Variants in NAV3 observed in about 807,000 individuals in gnomAD.
NAV3 encodes the protein pore membrane and/or filament interacting like protein 1.
NAV3 carries 87 observed loss-of-function variants against 244.7 expected under a neutral mutation model. The ratio of observed to expected loss-of-function variants is 0.36; its 90% CI spans 0.30 to 0.42. NAV3 has a LOEUF of 0.42. Among genes scored for constraint, NAV3 ranks in the 20% least tolerant of loss-of-function variants. NAV3 has a pLI of 1.00. For missense variants in NAV3, 2,663 were observed against 2,893.3 expected (o/e 0.92, Z 1.83); for synonymous variants, 1,126 against 1,042.2 (o/e 1.08, Z -1.55).
At chr12:77,928,872 G>C (rs1888496455) in intron 1 of NAV3, among the ~76,000 whole-genome samples, 1 of 152,124 alleles carries the variant, frequency 6.6e-6, no homozygotes, top group Non-Finnish European at 1.5e-5. Flanking sequence ...TTTCAGCTCT[G>C]ATAAAATCTG....
chr12:78,080,810 C>T (rs539199580), intron 12 of NAV3, among the ~76,000 whole-genome samples: 2 of 152,314 alleles, frequency 1.3e-5, no homozygotes, highest in South Asian at 4.2e-4. Flanking sequence ...CAGAATTAAT[C>T]ATGAAAATGA....
At chr12:77,621,025 G>C (rs1433038800) in intron 2 of NAV3, among the ~76,000 whole-genome samples, 1 of 152,178 alleles carries the variant, frequency 6.6e-6, no homozygotes, top group African/African-American at 2.4e-5. Flanking sequence ...GGGTGAAAAA[G>C]TAGCTCAAAT....
chr12:78,210,878 T>A lies in NAV3; in HGVS notation c.*361T>A. The A allele has an allele frequency of 4.5e-6, 1 of 224,486 alleles. No homozygotes were observed. The highest frequency in any genetic ancestry group is 8.8e-6 in the Non-Finnish European group (1 of 113,230). 13.9% of individuals were successfully genotyped at this position (224,486 alleles called of 1,614,324 possible). A position where few individuals can be genotyped will look rare whatever the true frequency, so the allele number is the denominator to read the frequency against. On this transcript the variant is annotated 3_prime_UTR_variant, in exon 40 of 40. Transcript: ENST00000397909. ...TACAATGCAGACCATTTTTTGTCCC[T>A]TCCTTTTGTTTCCTCTGAGGGGCTG...
At chr12:77,783,276 C>T (rs1870754556) in intron 2 of NAV3, 1 of 152,166 alleles carries the variant, frequency 6.6e-6, no homozygotes, top group East Asian at 1.9e-4. Flanking sequence ...CAGCAAGGAG[C>T]CTCCCAGATG....
intron 2 of NAV3, among the ~76,000 whole-genome samples, chr12:77,743,222 A>G (rs145860225): frequency 1.6e-4 from 25 of 152,066 alleles, no homozygotes; most frequent in Admixed American, 7.2e-4. Context: ...TAAGAATACA[A>G]TATATAATGC....
intron 2 of NAV3, among the ~76,000 whole-genome samples, chr12:77,646,991 T>C (rs1427138328): frequency 6.6e-6 from 1 of 151,796 alleles, no homozygotes. Flanking sequence ...AATGGCAGTT[T>C]CAAAAGGTTT....
chr12:78,206,679 G>C (rs1393517688), intron 39 of NAV3, among the ~76,000 whole-genome samples: 1 of 151,816 alleles, frequency 6.6e-6, no homozygotes, highest in African/African-American at 2.4e-5. Context: ...ATGAGAATTG[G>C]GGTAAAAAAA....
chr12:77,714,544 T>G (rs1353970172), intron 2 of NAV3, among the ~76,000 whole-genome samples: 1 of 152,178 alleles, frequency 6.6e-6, no homozygotes, highest in African/African-American at 2.4e-5. Context: ...CGCCAGTAAT[T>G]AATTCCTTTA....
At chr12:77,657,866 A>G (rs1472415479) in intron 2 of NAV3, among the ~76,000 whole-genome samples, 2 of 152,234 alleles carry the variant, frequency 1.3e-5, no homozygotes, top group African/African-American at 4.8e-5. Flanking sequence ...CCACATGATT[A>G]TCTCACTAGA....
intron 3 of NAV3, among the ~76,000 whole-genome samples, chr12:77,943,496 A>T (rs1030777147): frequency 1.3e-5 from 2 of 152,206 alleles, no homozygotes; most frequent in African/African-American, 2.4e-5. Context: ...AATAAATGTA[A>T]CTTTTTTGGC....
intron 8 of NAV3, among the ~76,000 whole-genome samples, chr12:78,010,590 C>T (rs370911057): frequency 6.6e-6 from 1 of 152,034 alleles, no homozygotes; most frequent in Non-Finnish European, 1.5e-5. Flanking sequence ...CTTTGCTTAT[C>T]AGTTCTATCT....
At chr12:77,621,206 A>G (rs547837720) in intron 2 of NAV3, among the ~76,000 whole-genome samples, 1 of 152,164 alleles carries the variant, frequency 6.6e-6, no homozygotes, top group East Asian at 1.9e-4. Context: ...TATTTTCTAG[A>G]TCAAGCACTG....
rs145485566 is a variant in NAV3, at chr12:77,583,357, T to C, written c.72+11091T>C. ...CTCCATCTTTTAACAGTTGCTGGTA[T>C]TGGCAAATTATAATGTTTGTAAATG... On this transcript the variant is annotated intron_variant, in intron 2 of 8. Coordinates refer to the NAV3 transcript ENST00000550042. 3.3e-3 allele frequency among the ~76,000 whole-genome samples: 504 copies of C among 152,352 alleles called. 4 individuals carry two copies. The highest frequency in any genetic ancestry group is 0.012 in the African/African-American group (489 of 41,568).
chr12:78,175,553 A>G (rs1958184787), intron 25 of NAV3, 126 bp downstream of exon 25: 1 of 1,191,206 alleles, frequency 8.4e-7, no homozygotes, highest in Non-Finnish European at 1.2e-6. Context: ...TGAGACCTCA[A>G]ATGCTGCACT....
intron 2 of NAV3, among the ~76,000 whole-genome samples, chr12:77,754,663 C>T (rs28495387): frequency 1.3e-5 from 2 of 152,088 alleles, no homozygotes; most frequent in African/African-American, 4.8e-5. Flanking sequence ...GAATGGCAGC[C>T]CCATTGACTA....
chr12:77,667,211 T>G (rs1459822153), intron 2 of NAV3, among the ~76,000 whole-genome samples: 1 of 152,172 alleles, frequency 6.6e-6, no homozygotes, highest in Non-Finnish European at 1.5e-5. Flanking sequence ...CATGAACTTT[T>G]GCTCCAAGAA....
At chr12:77,922,903 C>A (rs563953221) in intron 1 of NAV3, among the ~76,000 whole-genome samples, 1 of 151,912 alleles carries the variant, frequency 6.6e-6, no homozygotes, top group Admixed American at 6.6e-5. Flanking sequence ...ATCAGATCAC[C>A]CTTATTGTAA....
In NAV3 at chr12:77,774,303, C is replaced by T. The variant is rs952102617; in HGVS notation, c.73-166016C>T. 6.6e-5 allele frequency among the ~76,000 whole-genome samples: 10 copies of T among 152,228 alleles called. No homozygotes were observed. In the South Asian group the frequency reaches 1.0e-3, roughly 16 times the overall value. On this transcript the variant is annotated intron_variant, in intron 2 of 8. Coordinates refer to the NAV3 transcript ENST00000550042. The stretch of plus-strand genomic sequence containing the variant: ...ATTCAGTCCTTGCCTTCCTTTGATC[C>T]GCTTCCATGAAGCAGTAGGATGGAC...
intron 2 of NAV3, among the ~76,000 whole-genome samples, chr12:77,764,303 C>A (rs1301713177): frequency 6.6e-6 from 1 of 152,144 alleles, no homozygotes. Flanking sequence ...TCAATAAAAT[C>A]ACCCTGCTTG....
Sources: gnomAD v4.1 joint callset for allele counts (sites outside exome capture counted in the v4.1 genomes callset) on GRCh38, gnomAD v4.1.1 for gene constraint, MANE v1.5 for transcripts, NCBI Gene and HGNC (gene_info 2026-07-23, HGNC 2026-07-21) for gene names.